GABRG3: variants seen among roughly 807,000 people sequenced by gnomAD.
GABRG3 encodes the protein gamma-aminobutyric acid type A receptor subunit gamma3.
In GABRG3, 25 loss-of-function variants were observed where a neutral mutation model predicts 48.8. The ratio of observed to expected loss-of-function variants is 0.51; its 90% confidence interval spans 0.37 to 0.72. The LOEUF (loss-of-function observed/expected upper bound fraction) is 0.72, where lower values mean the gene tolerates loss of function less well. Among genes scored for constraint, GABRG3 ranks in the 30% least tolerant of loss-of-function variants. The pLI, the probability that GABRG3 is intolerant of heterozygous loss-of-function variation, is 0.00. For synonymous variants in GABRG3, 227 were observed against 217.6 expected (o/e 1.04, Z -0.38); for missense variants, 394 against 577.9 (o/e 0.68, Z 3.26).
At chr15:27,128,580 T>A (rs1176943667) in intron 3 of GABRG3, among the ~76,000 whole-genome samples, 1 of 152,230 alleles carries the variant, frequency 6.6e-6, no homozygotes. Flanking sequence ...ACGTTGCTGA[T>A]ATTTTATATA....
chr15:27,314,889 CA>C (rs1174750983), intron 3 of GABRG3, among the ~76,000 whole-genome samples: 2 of 151,836 alleles, frequency 1.3e-5, no homozygotes, highest in Middle Eastern at 3.2e-3. Context: ...TGGTTGTTGC[CA>C]GGGGCTGCAG....
At chr15:27,143,788 G>C (rs1287026670) in intron 3 of GABRG3, among the ~76,000 whole-genome samples, 7 of 152,150 alleles carry the variant, frequency 4.6e-5, no homozygotes, top group Non-Finnish European at 1.5e-5. Flanking sequence ...TTGCTAACCA[G>C]CATTGGGTTC....
intron 5 of GABRG3, among the ~76,000 whole-genome samples, chr15:27,330,366 A>T (rs1390032425): frequency 2.0e-5 from 3 of 152,256 alleles, no homozygotes; most frequent in Non-Finnish European, 4.4e-5. Flanking sequence ...GAACCTTCAA[A>T]TGTAAAATAT....
chr15:27,177,308 G>C (rs536907221), intron 3 of GABRG3, among the ~76,000 whole-genome samples: 1 of 152,220 alleles, frequency 6.6e-6, no homozygotes, highest in Non-Finnish European at 1.5e-5. Flanking sequence ...TAGGTTTTAC[G>C]ATAGTGTTGT....
At chr15:27,294,839 G>T (rs1156277453) in intron 3 of GABRG3, 4 of 152,108 alleles carry the variant, frequency 2.6e-5, no homozygotes, top group Non-Finnish European at 4.4e-5. Context: ...TTTGCCAACC[G>T]CTATTCTAGG....
chr15:27,446,029 T>C (rs989092880), intron 5 of GABRG3, among the ~76,000 whole-genome samples: 2 of 152,198 alleles, frequency 1.3e-5, no homozygotes, highest in Non-Finnish European at 2.9e-5. Context: ...TCAGTACCAC[T>C]TTTTTAATAA....
intron 3 of GABRG3, among the ~76,000 whole-genome samples, chr15:27,271,250 G>A (rs1891076250): frequency 6.6e-6 from 1 of 152,204 alleles, no homozygotes; most frequent in African/African-American, 2.4e-5. Flanking sequence ...CACGCTGAAA[G>A]GGCTTGTCCC....
At chr15:27,061,890 G>A (rs758550637) in intron 3 of GABRG3, among the ~76,000 whole-genome samples, 2 of 152,154 alleles carry the variant, frequency 1.3e-5, no homozygotes, top group African/African-American at 2.4e-5. Flanking sequence ...GGCACTGCCT[G>A]CCCTCTGCTC....
intron 9 of GABRG3, chr15:27,530,766 C>T: frequency 2.1e-6 from 1 of 469,558 alleles, no homozygotes; most frequent in Non-Finnish European, 4.4e-6. Flanking sequence ...GACTTCTCCT[C>T]TGTGTCTCCG....
At position 27,004,961 on chromosome 15, in the gene GABRG3, A is replaced by G. The variant is rs191555778; in HGVS notation, c.203-21793A>G. Among the ~76,000 whole-genome samples, 16 of 152,276 alleles carry G rather than the reference A, an allele frequency of 1.1e-4. No individual in the cohort carries two copies. In the East Asian group the frequency reaches 3.1e-3, roughly 29 times the overall value. ...TGGCTGGATGGTGCCCAGTGGCTCC[A>G]TTGGCCCATCTGGGCCTCAGCGGGG... On this transcript the variant is annotated intron_variant, in intron 2 of 9. Transcript: ENST00000615808.
Position 27,180,729 on chromosome 15 carries a change from T to A in GABRG3, c.271-146080T>A, listed in dbSNP as rs1887903967. ...AAAAACAGAAACCTATTTTCTTTAATTATTTTACTAATTTCTACTTGATAC... is the reference window on the plus strand; with the variant it reads ...AAAAACAGAAACCTATTTTCTTTAAATATTTTACTAATTTCTACTTGATAC... On this transcript the variant is annotated intron_variant, in intron 3 of 9. Coordinates refer to ENST00000615808, the MANE Select transcript of GABRG3 (RefSeq NM_033223.5). The surrounding 1 kb of genome is among the most constrained non-coding windows in gnomAD (Gnocchi z 4.2). 6.6e-6 allele frequency among the ~76,000 whole-genome samples: 1 copy of A among 152,174 alleles called. No individual in the cohort carries two copies. Among genetic ancestry groups the A allele is most frequent in the Non-Finnish European group, 1.5e-5 (1 of 68,034 alleles).
At chr15:27,150,321 A>G (rs559394728) in intron 3 of GABRG3, among the ~76,000 whole-genome samples, 48 of 152,272 alleles carry the variant, frequency 3.2e-4, no homozygotes, top group African/African-American at 1.1e-3. Context: ...TTTGAACCTT[A>G]TTGTGCTTGT....
chr15:27,461,586 C>T (rs952991920), intron 5 of GABRG3, among the ~76,000 whole-genome samples: 6 of 152,150 alleles, frequency 3.9e-5, no homozygotes, highest in Non-Finnish European at 8.8e-5. Flanking sequence ...CATGGGTGGC[C>T]AGCTTTTATT....
chr15:27,470,309 C>T (rs757558350), intron 5 of GABRG3, among the ~76,000 whole-genome samples: 7 of 151,548 alleles, frequency 4.6e-5, no homozygotes, highest in Admixed American at 2.0e-4. Context: ...CTGCAACCTC[C>T]GCCTCCTGGG....
intron 2 of GABRG3, among the ~76,000 whole-genome samples, chr15:26,999,509 CT>C (rs371717788): frequency 1.3e-3 from 202 of 152,192 alleles, no homozygotes; most frequent in Middle Eastern, 6.8e-3. Context: ...TTTTTCCCCC[CT>C]GTGAATTATT....
intron 2 of GABRG3, among the ~76,000 whole-genome samples, chr15:26,999,241 TATAA>T (rs1300275226): frequency 1.3e-5 from 2 of 152,278 alleles, no homozygotes; most frequent in East Asian, 3.9e-4. Context: ...TATTAGGTAT[TATAA>T]GTAATCTAGA....
intron 5 of GABRG3, among the ~76,000 whole-genome samples, chr15:27,420,360 T>A (rs1888074980): frequency 6.6e-6 from 1 of 152,246 alleles, no homozygotes; most frequent in South Asian, 2.1e-4. Context: ...TGATCTCATT[T>A]ATAAGTGAAA....
In GABRG3 at chr15:27,520,049, T is replaced by C; in HGVS notation, c.790T>C (p.Cys264Arg). ...GYFTIQTYIP[C>R]ILTVVLSWVS... is the part of the protein sequence containing the mutation. Reference sequence around the variant, plus strand: ...CTTCACCATTCAGACATACATTCCCTGTATACTGACTGTGGTTTTATCCTG... The same window carrying C: ...CTTCACCATTCAGACATACATTCCCCGTATACTGACTGTGGTTTTATCCTG... The change falls in exon 7 of 10, where the codon TGT becomes CGT. Residue 264 changes from cysteine (C) to arginine (R), a missense_variant. Physicochemically the swap from Cys to Arg is radical, Grantham distance 180 (BLOSUM62 -3). Coordinates refer to ENST00000615808, the MANE Select transcript of GABRG3 (RefSeq NM_033223.5). 3 of 1,599,108 alleles carry C rather than the reference T, an allele frequency of 1.9e-6. No individual in the cohort carries two copies. The highest frequency in any genetic ancestry group is 2.6e-6 in the Non-Finnish European group (3 of 1,171,414).
intron 5 of GABRG3, among the ~76,000 whole-genome samples, chr15:27,354,254 T>C (rs528624646): frequency 6.6e-6 from 1 of 152,350 alleles, no homozygotes; most frequent in Admixed American, 6.5e-5. Context: ...GAGTTATCAT[T>C]TGTGCAATTA....
Sources: allele counts gnomAD v4.1 joint callset (sites outside exome capture counted in the v4.1 genomes callset), GRCh38; gene constraint gnomAD v4.1.1; non-coding constraint Gnocchi (gnomAD v3.1); transcripts MANE v1.5; gene names NCBI Gene and HGNC (gene_info 2026-07-23, HGNC 2026-07-21).